Variants in PDLIM5 observed in about 807,000 individuals in gnomAD.
The protein encoded by PDLIM5 is PDZ and LIM domain 5.
PDLIM5 carries 34 observed loss-of-function variants against 64.2 expected under a neutral mutation model. The observed-to-expected ratio is 0.53, with a 90% confidence interval of 0.40 to 0.71. The LOEUF (loss-of-function observed/expected upper bound fraction) is 0.71. PDLIM5 is among the 30% of genes least tolerant of loss of function. The pLI is 0.00. For synonymous variants in PDLIM5, 253 were observed against 269.1 expected (o/e 0.94, Z 0.59); for missense variants, 683 against 733.6 (o/e 0.93, Z 0.80).
At chr4:94,489,018 C>A (rs1209044613) in intron 2 of PDLIM5, 1 of 152,208 alleles carries the variant, frequency 6.6e-6, no homozygotes, top group African/African-American at 2.4e-5. Flanking sequence ...TTGTACGCCA[C>A]CCATTAACAG....
intron 10 of PDLIM5, among the ~76,000 whole-genome samples, chr4:94,654,993 G>A (rs998998260): frequency 2.6e-5 from 4 of 152,150 alleles, no homozygotes; most frequent in Non-Finnish European, 5.9e-5. Flanking sequence ...TCTTAGAACT[G>A]ACACCTTCAC....
intron 2 of PDLIM5, among the ~76,000 whole-genome samples, chr4:94,512,599 A>T (rs1728987116): frequency 1.4e-5 from 2 of 144,046 alleles, no homozygotes; most frequent in Non-Finnish European, 1.5e-5. Context: ...TCTTTTGCCA[A>T]TTTTTTTATT....
At chr4:94,620,737 G>A (rs1233894034) in intron 8 of PDLIM5, among the ~76,000 whole-genome samples, 1 of 151,854 alleles carries the variant, frequency 6.6e-6, no homozygotes, top group East Asian at 1.9e-4. Flanking sequence ...ATAGTGGCAT[G>A]TGTTAACATG....
At chr4:94,620,103 C>T (rs1409996674) in intron 8 of PDLIM5, among the ~76,000 whole-genome samples, 1 of 152,174 alleles carries the variant, frequency 6.6e-6, no homozygotes, top group African/African-American at 2.4e-5. Flanking sequence ...TGCACTAAAC[C>T]ATCTTCAGTT....
At chr4:94,484,096 G>T (rs1198913986) in intron 2 of PDLIM5, among the ~76,000 whole-genome samples, 1 of 152,156 alleles carries the variant, frequency 6.6e-6, no homozygotes, top group Non-Finnish European at 1.5e-5. Context: ...CACGCTGTTA[G>T]TGAAGTGTGT....
At chr4:94,555,475 A>T (rs1008091814) in intron 3 of PDLIM5, among the ~76,000 whole-genome samples, 1 of 152,198 alleles carries the variant, frequency 6.6e-6, no homozygotes, top group Admixed American at 6.5e-5. Context: ...AATGTATGTA[A>T]ATTTGTCAAA....
intron 7 of PDLIM5, among the ~76,000 whole-genome samples, chr4:94,616,365 G>A (rs1301008854): frequency 6.6e-6 from 1 of 152,082 alleles, no homozygotes; most frequent in African/African-American, 2.4e-5. Flanking sequence ...TATATTCTGT[G>A]CCTTAGAGTA....
At chr4:94,471,176 A>G (rs1246728811) in intron 2 of PDLIM5, among the ~76,000 whole-genome samples, 1 of 152,208 alleles carries the variant, frequency 6.6e-6, no homozygotes, top group Non-Finnish European at 1.5e-5. Flanking sequence ...AACCATATCA[A>G]TATTCAAGAT....
At chr4:94,568,330 T>C (rs180806431) in intron 3 of PDLIM5, among the ~76,000 whole-genome samples, 2 of 152,346 alleles carry the variant, frequency 1.3e-5, no homozygotes, top group East Asian at 3.9e-4. Flanking sequence ...GACTAAAATA[T>C]TTACTGTCTG....
chr4:94,469,231 A>G (rs186308266), intron 2 of PDLIM5, among the ~76,000 whole-genome samples: 47 of 152,306 alleles, frequency 3.1e-4, no homozygotes, highest in Admixed American at 2.0e-3. Context: ...GGGAATGGTA[A>G]CTCACACACA....
At chr4:94,623,638 G>A (rs1314340035) in intron 8 of PDLIM5, among the ~76,000 whole-genome samples, 1 of 152,136 alleles carries the variant, frequency 6.6e-6, no homozygotes, top group Non-Finnish European at 1.5e-5. Flanking sequence ...TCTAAACAAT[G>A]CCTGGCACAG....
At chr4:94,564,113 G>C (rs779545974) in intron 3 of PDLIM5, among the ~76,000 whole-genome samples, 2 of 151,588 alleles carry the variant, frequency 1.3e-5, no homozygotes, top group Non-Finnish European at 2.9e-5. Flanking sequence ...ACAGGCGTGC[G>C]CCACCACACC....
In PDLIM5 at chr4:94,618,094, A is replaced by T. The variant is rs918157305; in HGVS notation, c.1011A>T (p.Arg337Ser). Residue 337 changes from arginine to serine, a missense_variant, in exon 8 of 13, where the codon AGA becomes AGT. By Grantham distance (110) the Arg-to-Ser change is moderately radical. Transcript: ENST00000317968. Reference sequence around the variant, plus strand: ...GCCTGGACAGCCCAACCTCTGGCAGACCAGGGGTTACCAGCCTCACAGCTG... The same window carrying T: ...GCCTGGACAGCCCAACCTCTGGCAGTCCAGGGGTTACCAGCCTCACAGCTG... ...PESLDSPTSG[R>S]PGVTSLTAAA... 1.9e-6 allele frequency: 3 copies of T among 1,611,386 alleles called. No homozygotes were observed. Among genetic ancestry groups the T allele is most frequent in the Non-Finnish European group, 2.5e-6 (3 of 1,178,302 alleles).
intron 7 of PDLIM5, among the ~76,000 whole-genome samples, chr4:94,594,119 A>G (rs772788730): frequency 2.4e-4 from 37 of 152,212 alleles, no homozygotes; most frequent in Admixed American, 6.5e-5. Flanking sequence ...ATTAATACCT[A>G]TATTGAAAGT....
intron 5 of PDLIM5, chr4:94,582,642 G>A (rs1444453632): frequency 1.2e-6 from 1 of 864,100 alleles, no homozygotes; most frequent in Non-Finnish European, 1.9e-6. Context: ...TTTGTCTGTT[G>A]TTCATCTTCC....
At chr4:94,558,000 T>G (rs1299611530) in intron 3 of PDLIM5, among the ~76,000 whole-genome samples, 2 of 152,188 alleles carry the variant, frequency 1.3e-5, no homozygotes, top group Non-Finnish European at 2.9e-5. Context: ...TCAAAGGGAA[T>G]GCTTCCAGTT....
chr4:94,600,366 C>G (rs17336470), intron 7 of PDLIM5, among the ~76,000 whole-genome samples: 4,194 of 152,270 alleles, frequency 0.028, 119 homozygotes, highest in South Asian at 0.11. Flanking sequence ...GACACTCTCA[C>G]TGGAGCATGA....
intron 2 of PDLIM5, among the ~76,000 whole-genome samples, chr4:94,484,385 T>C (rs758221486): frequency 2.6e-5 from 4 of 152,186 alleles, no homozygotes; most frequent in Non-Finnish European, 4.4e-5. Context: ...AGGCATTAAA[T>C]TAAATAATTT....
chr4:94,569,325 G>T (rs1203828480), intron 3 of PDLIM5, among the ~76,000 whole-genome samples: 4 of 141,232 alleles, frequency 2.8e-5, no homozygotes, highest in Non-Finnish European at 4.5e-5. Flanking sequence ...TCGTTTGTTT[G>T]TTTGTTCGTT....
Sources: gnomAD v4.1 joint callset for allele counts (sites outside exome capture counted in the v4.1 genomes callset) on GRCh38, gnomAD v4.1.1 for gene constraint, MANE v1.5 for transcripts, NCBI Gene and HGNC (gene_info 2026-07-23, HGNC 2026-07-21) for gene names.